Variants in HDHD2 observed in about 807,000 individuals in gnomAD.
HDHD2 encodes haloacid dehalogenase-like hydrolase domain-containing protein 2.
HDHD2 carries 26 observed loss-of-function variants against 24.8 expected under a neutral mutation model. The observed-to-expected ratio is 1.05, with a 90% confidence interval of 0.77 to 1.45. The LOEUF (loss-of-function observed/expected upper bound fraction) is 1.45. Among genes scored for constraint, HDHD2 ranks in the 40% most tolerant of loss-of-function variants. The probability of loss-of-function intolerance (pLI) is 0.00; values close to 1 mark genes in which losing one functional copy is unlikely to be tolerated. For missense variants in HDHD2, 299 were observed against 313.4 expected (o/e 0.95, Z 0.35); for synonymous variants, 128 against 114.9 (o/e 1.11, Z -0.73).
At chr18:47,142,586 C>T in intron 1 of HDHD2, among the ~76,000 whole-genome samples, 1 of 151,998 alleles carries the variant, frequency 6.6e-6, no homozygotes, top group Non-Finnish European at 1.5e-5. Context: ...CTTGTATATG[C>T]TTCTATTTAG....
chr18:47,118,627 C>T (rs764721395), intron 4 of HDHD2, among the ~76,000 whole-genome samples: 3 of 152,102 alleles, frequency 2.0e-5, no homozygotes, highest in African/African-American at 2.4e-5. Flanking sequence ...TAATGCCTAC[C>T]GGGCTTAATA....
chr18:47,142,457 C>A (rs77348314), intron 1 of HDHD2, among the ~76,000 whole-genome samples: 1 of 151,972 alleles, frequency 6.6e-6, no homozygotes, highest in African/African-American at 2.4e-5. Context: ...AAAAAAACCC[C>A]AAAAAACCCT....
chr18:47,136,497 A>C, intron 1 of HDHD2, 48 bp from the exon 2 acceptor site: 1 of 1,474,094 alleles, frequency 6.8e-7, no homozygotes, highest in Non-Finnish European at 9.3e-7. Context: ...GAAACAATGG[A>C]CAATTAAAAA....
intron 3 of HDHD2, among the ~76,000 whole-genome samples, chr18:47,131,061 C>T (rs1339900482): frequency 6.6e-6 from 1 of 152,152 alleles, no homozygotes; most frequent in Non-Finnish European, 1.5e-5. Flanking sequence ...ACCACAACCT[C>T]CGCCTCCCAG....
chr18:47,133,062 T>C (rs1255436317), intron 3 of HDHD2, among the ~76,000 whole-genome samples: 3 of 152,140 alleles, frequency 2.0e-5, no homozygotes, highest in Non-Finnish European at 2.9e-5. Context: ...TTGTTACATA[T>C]GTATACATGT....
In HDHD2 at chr18:47,150,399, C is replaced by T. The variant is rs2144410930; in HGVS notation, c.-32G>A. On this transcript the variant is annotated 5_prime_UTR_variant, in exon 1 of 7. Transcript: ENST00000300605. ...TCACCCACACTCCGTACGCCGTCCT[C>T]AGGAAAGGCCCCCGCTAATGGCAAA... The T allele has an allele frequency of 6.6e-6, 1 of 152,512 alleles. No individual in the cohort carries two copies. The highest frequency in any genetic ancestry group is 2.4e-5 in the African/African-American group (1 of 41,592). The allele number at this position is 152,512 out of a possible 1,614,324, so 9.4% of individuals were successfully genotyped here. A position where few individuals can be genotyped will look rare whatever the true frequency, so the allele number is the denominator to read the frequency against.
chr18:47,134,349 G>C, intron 3 of HDHD2, 147 bp downstream of exon 3: 1 of 668,916 alleles, frequency 1.5e-6, no homozygotes, highest in Non-Finnish European at 2.5e-6. Flanking sequence ...TTTGGGAAAT[G>C]CCAATTTAGA....
chr18:47,135,012 AAAGTC>A (rs2063750721), intron 2 of HDHD2, among the ~76,000 whole-genome samples: 1 of 152,216 alleles, frequency 6.6e-6, no homozygotes. Context: ...GAGTCAAGAT[AAAGTC>A]CAACCGTGCA....
At chr18:47,149,112 GGA>G (rs2063903381) in intron 1 of HDHD2, 1 of 152,210 alleles carries the variant, frequency 6.6e-6, no homozygotes, top group Non-Finnish European at 1.5e-5. Context: ...TGGAGGGCTG[GGA>G]GAGAGAAGCA....
chr18:47,147,780 G>A (rs1177996126), intron 1 of HDHD2, among the ~76,000 whole-genome samples: 1 of 152,076 alleles, frequency 6.6e-6, no homozygotes, highest in Non-Finnish European at 1.5e-5. Flanking sequence ...TATATTCTTT[G>A]CTCTCACCAG....
rs117707082 is a variant in HDHD2, at chr18:47,132,370, A to G, written c.311-2042T>C. Among the ~76,000 whole-genome samples the G allele has an allele frequency of 2.5e-4, 38 of 152,262 alleles. No individual in the cohort carries two copies. The East Asian group carries it at 7.3e-3, about 29-fold the overall frequency. On this transcript the variant is annotated intron_variant, in intron 3 of 6. Transcript: ENST00000300605. Reference sequence around the variant, plus strand: ...CTGATGAATATTTGGGTTGTTTCCAATCTTTCGTTATTACAAATAAGGTAG... The same window carrying G: ...CTGATGAATATTTGGGTTGTTTCCAGTCTTTCGTTATTACAAATAAGGTAG...
In HDHD2 at chr18:47,116,221, G is replaced by A. The variant is rs143015270; in HGVS notation, c.396-873C>T. ...TTAGTCACATGGCAGAAGTACTCAC[G>A]CACATATTATCATCTAATAGCATGC... is the stretch of plus-strand genomic sequence containing the variant. On this transcript the variant is annotated intron_variant, in intron 4 of 6. Coordinates refer to ENST00000300605, the MANE Select transcript of HDHD2 (RefSeq NM_032124.5). 1.8e-4 allele frequency among the ~76,000 whole-genome samples: 27 copies of A among 152,226 alleles called. No individual in the cohort carries two copies. In the East Asian group the frequency reaches 2.7e-3, roughly 15 times the overall value.
At chr18:47,125,144 A>G (rs1006211739) in intron 4 of HDHD2, among the ~76,000 whole-genome samples, 1 of 152,200 alleles carries the variant, frequency 6.6e-6, no homozygotes, top group Non-Finnish European at 1.5e-5. Flanking sequence ...CCTGGGTGAC[A>G]GAGCAAGACC....
chr18:47,122,927 A>C (rs905653061), intron 4 of HDHD2, among the ~76,000 whole-genome samples: 1 of 152,210 alleles, frequency 6.6e-6, no homozygotes, highest in Admixed American at 6.5e-5. Flanking sequence ...GATTAAAAAC[A>C]AACATAGCTT....
intron 4 of HDHD2, among the ~76,000 whole-genome samples, chr18:47,123,868 T>G (rs2063631188): frequency 6.6e-6 from 1 of 152,320 alleles, no homozygotes; most frequent in South Asian, 2.1e-4. Flanking sequence ...CAAAGTTGAT[T>G]TCAAAATCTG....
chr18:47,124,471 C>G (rs1490916329), intron 4 of HDHD2, among the ~76,000 whole-genome samples: 2 of 152,036 alleles, frequency 1.3e-5, no homozygotes, highest in Non-Finnish European at 2.9e-5. Flanking sequence ...CTTTGGGAGG[C>G]CGAGGCGGGT....
chr18:47,111,537 G>C, intron 6 of HDHD2: 2 of 985,362 alleles, frequency 2.0e-6, no homozygotes, highest in Non-Finnish European at 2.4e-6. Context: ...TACTTTTCCA[G>C]ACTTCATTTC....
intron 2 of HDHD2, among the ~76,000 whole-genome samples, chr18:47,135,429 T>C (rs2063756493): frequency 6.6e-6 from 1 of 151,996 alleles, no homozygotes; most frequent in Non-Finnish European, 1.5e-5. Context: ...GCCCGGCTAA[T>C]TTTGTATTTT....
chr18:47,133,433 G>A (rs2063732819), intron 3 of HDHD2, among the ~76,000 whole-genome samples: 1 of 150,014 alleles, frequency 6.7e-6, no homozygotes, highest in Non-Finnish European at 1.5e-5. Context: ...CTTTGCTATT[G>A]TGAATAGTGC....
Sources: gnomAD v4.1 joint callset for allele counts (sites outside exome capture counted in the v4.1 genomes callset) on GRCh38, gnomAD v4.1.1 for gene constraint, MANE v1.5 for transcripts, NCBI Gene and HGNC (gene_info 2026-07-23, HGNC 2026-07-21) for gene names.